USP4: variants seen among roughly 807,000 people sequenced by gnomAD.
The protein encoded by USP4 is ubiquitin carboxyl-terminal hydrolase 4.
In USP4, 72 loss-of-function variants were observed where a neutral mutation model predicts 118.2. The ratio of observed to expected loss-of-function variants is 0.61; its 90% confidence interval spans 0.50 to 0.74. The LOEUF (loss-of-function observed/expected upper bound fraction) is 0.74, where lower values mean the gene tolerates loss of function less well. Ranked by LOEUF, USP4 falls within the 30% of genes least tolerant of loss-of-function variation. USP4 has a pLI of 0.00. For missense variants in USP4, 1,037 were observed against 1,185.7 expected, an observed-to-expected ratio of 0.87 and a Z score of 1.84; for synonymous variants, 415 against 440.4, an observed-to-expected ratio of 0.94 and a Z score of 0.72.
intron 1 of USP4, among the ~76,000 whole-genome samples, chr3:49,337,566 C>T (rs2047681995): frequency 6.6e-6 from 1 of 151,888 alleles, no homozygotes; most frequent in Admixed American, 6.6e-5. Context: ...GTAGCTGTGA[C>T]TATAGGCACA....
chr3:49,300,045 G>A (rs1014420200), intron 11 of USP4, among the ~76,000 whole-genome samples: 5 of 151,978 alleles, frequency 3.3e-5, no homozygotes, highest in Non-Finnish European at 7.4e-5. Flanking sequence ...CAGGAGTTCT[G>A]GCCAACAAGG....
At chr3:49,294,307 G>T in intron 14 of USP4, 100 bp downstream of exon 14, 3 of 1,282,920 alleles carry the variant, frequency 2.3e-6, no homozygotes, top group Non-Finnish European at 2.2e-6. Context: ...ACAGAGGTGA[G>T]CATGTAGGAT....
intron 6 of USP4, among the ~76,000 whole-genome samples, chr3:49,314,610 G>T (rs529009664): frequency 6.6e-6 from 1 of 152,316 alleles, no homozygotes; most frequent in East Asian, 1.9e-4. Flanking sequence ...TCAGCACTGA[G>T]GGAGGTAAGA....
At chr3:49,293,461 CA>C (rs1559467371) in intron 14 of USP4, 2 of 153,700 alleles carry the variant, frequency 1.3e-5, no homozygotes, top group Non-Finnish European at 2.9e-5. Context: ...AACTCCATCT[CA>C]AAAAAACAAA....
At chr3:49,305,369 C>T (rs1429895565) in intron 9 of USP4, among the ~76,000 whole-genome samples, 3 of 151,044 alleles carry the variant, frequency 2.0e-5, no homozygotes, top group Admixed American at 1.3e-4. Flanking sequence ...TGAGCCACAG[C>T]GCCTGGCCCA....
In USP4 at chr3:49,286,658, G is replaced by C. The variant is rs538307186; in HGVS notation, c.1973-333C>G. Among the ~76,000 whole-genome samples, 7 of 151,882 alleles carry C rather than the reference G, an allele frequency of 4.6e-5. No individual in the cohort carries two copies. In the East Asian group the frequency reaches 9.7e-4, roughly 21 times the overall value. On this transcript the variant is annotated intron_variant, in intron 15 of 21. Coordinates refer to ENST00000265560, the MANE Select transcript of USP4 (RefSeq NM_003363.4). ...TCTCACTCTTGCAACTTCACCATTA[G>C]GCCCACAGAGAGAAAAGGGCTTAAA...
intron 2 of USP4, among the ~76,000 whole-genome samples, chr3:49,330,793 G>A (rs2047609133): frequency 6.9e-6 from 1 of 145,010 alleles, no homozygotes; most frequent in Non-Finnish European, 1.5e-5. Flanking sequence ...GGTGGATCAC[G>A]AGATCAGGAG....
chr3:49,294,643 T>A, intron 13 of USP4, 45 bp from the exon 14 acceptor site: 5 of 1,576,206 alleles, frequency 3.2e-6, no homozygotes, highest in Non-Finnish European at 4.3e-6. Context: ...TAGGTCCTTG[T>A]GAACAACAGA....
intron 20 of USP4, 48 bp downstream of exon 20, chr3:49,280,696 G>T (rs1182962376): frequency 1.3e-6 from 2 of 1,514,712 alleles, no homozygotes; most frequent in Non-Finnish European, 1.8e-6. Context: ...AGAGATGATG[G>T]CCGAGCACAT....
At chr3:49,289,292 CT>C (rs1029649042) in intron 15 of USP4, among the ~76,000 whole-genome samples, 1 of 152,182 alleles carries the variant, frequency 6.6e-6, no homozygotes, top group African/African-American at 2.4e-5. Flanking sequence ...GTGCCCTGTC[CT>C]TTAATCGCAT....
intron 6 of USP4, among the ~76,000 whole-genome samples, chr3:49,315,298 T>C (rs2047423718): frequency 6.6e-6 from 1 of 152,140 alleles, no homozygotes. Context: ...CAGTGAACTA[T>C]GATCATGCCA....
chr3:49,316,844 G>C, intron 6 of USP4: 1 of 566,568 alleles, frequency 1.8e-6, no homozygotes, highest in Non-Finnish European at 3.2e-6. Context: ...GCAGAGACAG[G>C]CCCCTTGCAG....
At chr3:49,328,035 T>C (rs1041103165) in intron 2 of USP4, among the ~76,000 whole-genome samples, 2 of 152,128 alleles carry the variant, frequency 1.3e-5, no homozygotes, top group Admixed American at 6.6e-5. Flanking sequence ...TTTGTATTTC[T>C]TCTATAATTG....
At chr3:49,293,976 A>ATT (rs531837818) in intron 14 of USP4, among the ~76,000 whole-genome samples, 4 of 135,576 alleles carry the variant, frequency 3.0e-5, no homozygotes, top group Admixed American at 1.5e-4. Context: ...GCACAAGTGC[A>ATT]TTTTTTTTTT....
chr3:49,314,010 G>A (rs1443662400), intron 6 of USP4: 1 of 152,080 alleles, frequency 6.6e-6, no homozygotes, highest in Non-Finnish European at 1.5e-5. Flanking sequence ...CTCAGCCAAA[G>A]AAGAAAGTGA....
At chr3:49,280,124 G>A (rs1056388509) in intron 20 of USP4, among the ~76,000 whole-genome samples, 3 of 152,048 alleles carry the variant, frequency 2.0e-5, no homozygotes, top group African/African-American at 7.2e-5. Flanking sequence ...TTAGCCAGGT[G>A]TGGTGGCGCA....
rs79779280 is a variant in USP4 at position 49,325,631 on chromosome 3, A to G, written c.487+88T>C. ...TTTGGGTAACAAATCTAAAGAGGGC[A>G]TATAAAATAATGCCCTCTTCCCTCC... On this transcript the variant is annotated intron_variant, in intron 4 of 21. Coordinates refer to ENST00000265560, the MANE Select transcript of USP4 (RefSeq NM_003363.4). The G allele has an allele frequency of 3.6e-3, 5,521 of 1,543,996 alleles. 116 individuals are homozygous for G. In the African/African-American group the frequency reaches 0.052, roughly 15 times the overall value.
chr3:49,308,599 G>A (rs1030001916), intron 8 of USP4, among the ~76,000 whole-genome samples: 3 of 151,930 alleles, frequency 2.0e-5, no homozygotes, highest in South Asian at 2.1e-4. Flanking sequence ...GATTACAGGC[G>A]TGAGCCACCA....
In USP4 at chr3:49,325,644, C is replaced by T; in HGVS notation, c.487+75G>A. The T allele has an allele frequency of 2.5e-6, 4 of 1,572,758 alleles. No individual in the cohort carries two copies. The Admixed American group carries it at 7.0e-5, about 27-fold the overall frequency. ...TCTAAAGAGGGCATATAAAATAATG[C>T]CCTCTTCCCTCCCATCAGCCACAAT... On this transcript the variant is annotated intron_variant, in intron 4 of 21. Transcript: ENST00000265560.
Sources: allele counts gnomAD v4.1 joint callset (sites outside exome capture counted in the v4.1 genomes callset), GRCh38; gene constraint gnomAD v4.1.1; transcripts MANE v1.5; gene names NCBI Gene and HGNC (gene_info 2026-07-23, HGNC 2026-07-21).